The following ROBO1 variants were observed in gnomAD, a reference collection of about 807,000 sequenced individuals.
The protein encoded by ROBO1 is roundabout guidance receptor 1.
In ROBO1, 149 loss-of-function variants were observed where a neutral mutation model predicts 195.9. That is an observed-to-expected ratio of 0.76 (90% confidence interval 0.67 to 0.87). The LOEUF (loss-of-function observed/expected upper bound fraction) is 0.87, where lower values mean the gene tolerates loss of function less well. Ranked by LOEUF, ROBO1 falls within the 40% of genes least tolerant of loss-of-function variation. ROBO1 has a pLI of 0.00. For synonymous variants in ROBO1, 816 were observed against 733.2 expected, an observed-to-expected ratio of 1.11 and a Z score of -1.82; for missense variants, 1,933 against 2,068.3, an observed-to-expected ratio of 0.93 and a Z score of 1.27.
intron 2 of ROBO1, among the ~76,000 whole-genome samples, chr3:79,161,786 G>A (rs2080971306): frequency 6.6e-6 from 1 of 152,044 alleles, no homozygotes; most frequent in Non-Finnish European, 1.5e-5. Context: ...TGACCTCTGA[G>A]TACACACTCA....
chr3:79,605,862 C>G (rs1944464187), intron 1 of ROBO1, among the ~76,000 whole-genome samples: 1 of 151,864 alleles, frequency 6.6e-6, no homozygotes, highest in Non-Finnish European at 1.5e-5. Flanking sequence ...ATTTTAGCTT[C>G]CATCTCTCCA....
At chr3:79,375,948 C>T (rs1039254392) in intron 2 of ROBO1, among the ~76,000 whole-genome samples, 1 of 152,108 alleles carries the variant, frequency 6.6e-6, no homozygotes, top group African/African-American at 2.4e-5. Flanking sequence ...CTGAGTACCA[C>T]GAACATGCCC....
chr3:79,021,647 G>T, intron 3 of ROBO1, among the ~76,000 whole-genome samples: 2 of 122,710 alleles, frequency 1.6e-5, no homozygotes, highest in Admixed American at 1.1e-4. Flanking sequence ...CACTCCTAGA[G>T]ATGATTTTTT....
At chr3:79,360,948 C>T (rs936710303) in intron 2 of ROBO1, among the ~76,000 whole-genome samples, 1 of 152,006 alleles carries the variant, frequency 6.6e-6, no homozygotes, top group Admixed American at 6.6e-5. Flanking sequence ...GTTTTGGATT[C>T]AATAAATTGA....
chr3:78,726,742 G>C (rs1357116630), intron 5 of ROBO1, among the ~76,000 whole-genome samples: 1 of 152,124 alleles, frequency 6.6e-6, no homozygotes, highest in East Asian at 1.9e-4. Context: ...AACCCAGATG[G>C]CCAGTCATAG....
chr3:79,209,987 G>T (rs1285802257), intron 2 of ROBO1, among the ~76,000 whole-genome samples: 3 of 151,958 alleles, frequency 2.0e-5, no homozygotes, highest in Non-Finnish European at 4.4e-5. Flanking sequence ...AAAACCTCAG[G>T]AATATACTTA....
At chr3:78,963,494 G>T (rs1404386997) in intron 3 of ROBO1, among the ~76,000 whole-genome samples, 121 of 72,266 alleles carry the variant, frequency 1.7e-3, no homozygotes, top group Admixed American at 4.5e-3. Context: ...AAAACCTTCA[G>T]TTTTTTTTTT....
chr3:78,728,224 A>G (rs532688961), intron 5 of ROBO1, among the ~76,000 whole-genome samples: 35 of 152,240 alleles, frequency 2.3e-4, no homozygotes, highest in Non-Finnish European at 3.7e-4. Flanking sequence ...AAGGAAAAGG[A>G]GGAAGGAGAA....
At chr3:78,737,394 T>C (rs2082416600) in intron 5 of ROBO1, among the ~76,000 whole-genome samples, 1 of 152,188 alleles carries the variant, frequency 6.6e-6, no homozygotes, top group Admixed American at 6.5e-5. Flanking sequence ...AGAGTTCAAA[T>C]AGGTATACTA....
At chr3:79,019,524 A>T (rs1576577347) in intron 3 of ROBO1, 2 of 985,840 alleles carry the variant, frequency 2.0e-6, no homozygotes, top group East Asian at 2.3e-4. Flanking sequence ...CCGGCCCGAT[A>T]ATACTTAAAG....
intron 4 of ROBO1, among the ~76,000 whole-genome samples, chr3:78,857,206 T>C (rs968070046): frequency 6.6e-6 from 1 of 152,158 alleles, no homozygotes; most frequent in Admixed American, 6.5e-5. Context: ...CAAATGAATG[T>C]GGTAAAGTAC....
intron 4 of ROBO1, among the ~76,000 whole-genome samples, chr3:78,885,919 A>ATATATATATATT (rs2107314846): frequency 1.4e-5 from 2 of 143,286 alleles, no homozygotes; most frequent in African/African-American, 5.2e-5. Flanking sequence ...TTATATATAT[A>ATATATATATATT]TATATATATA....
chr3:79,069,927 CT>C (rs909753557), intron 3 of ROBO1, among the ~76,000 whole-genome samples: 1 of 151,636 alleles, frequency 6.6e-6, no homozygotes, highest in Admixed American at 6.6e-5. Flanking sequence ...TTTTTTCTTT[CT>C]TTTTTTCCCT....
intron 3 of ROBO1, among the ~76,000 whole-genome samples, chr3:79,002,436 A>G (rs1291785034): frequency 6.6e-6 from 1 of 152,156 alleles, no homozygotes; most frequent in Non-Finnish European, 1.5e-5. Flanking sequence ...AATAATACCT[A>G]TAAGAAATTT....
At chr3:78,816,827 T>C (rs1156769172) in intron 4 of ROBO1, among the ~76,000 whole-genome samples, 7 of 152,154 alleles carry the variant, frequency 4.6e-5, no homozygotes, top group East Asian at 1.9e-4. Context: ...TCACTTCTTA[T>C]GGATAAGCAA....
intron 4 of ROBO1, among the ~76,000 whole-genome samples, chr3:78,875,692 T>A (rs1288810026): frequency 6.6e-6 from 1 of 151,936 alleles, no homozygotes; most frequent in Non-Finnish European, 1.5e-5. Flanking sequence ...TCTCCAAACA[T>A]CAGAACATTC....
At chr3:79,358,504 G>A (rs1046928301) in intron 2 of ROBO1, among the ~76,000 whole-genome samples, 2 of 152,152 alleles carry the variant, frequency 1.3e-5, no homozygotes, top group Non-Finnish European at 2.9e-5. Flanking sequence ...GACTGGGGAA[G>A]CTTTCCTCTA....
intron 1 of ROBO1, among the ~76,000 whole-genome samples, chr3:79,755,047 AT>A (rs1419416319): frequency 6.6e-6 from 1 of 151,692 alleles, no homozygotes; most frequent in Non-Finnish European, 1.5e-5. Context: ...TGCCCGGCTA[AT>A]TTTGTATTTT....
chr3:79,718,561 C>T (rs930286281), intron 1 of ROBO1, among the ~76,000 whole-genome samples: 1 of 151,694 alleles, frequency 6.6e-6, no homozygotes, highest in African/African-American at 2.4e-5. Flanking sequence ...CATCTGTTGG[C>T]CAAAATGATA....
Sources: gnomAD v4.1 joint callset for allele counts (sites outside exome capture counted in the v4.1 genomes callset) on GRCh38, gnomAD v4.1.1 for gene constraint, MANE v1.5 for transcripts, NCBI Gene and HGNC (gene_info 2026-07-23, HGNC 2026-07-21) for gene names.